The following SP140L variants were observed in gnomAD, a reference collection of about 807,000 sequenced individuals.
SP140L encodes nuclear body protein SP140-like protein.
Under a neutral mutation model 84.3 loss-of-function variants are expected in SP140L, and 64 were observed. That is an observed-to-expected ratio of 0.76 (90% CI 0.62 to 0.94). The LOEUF (loss-of-function observed/expected upper bound fraction) is 0.94, where lower values mean the gene tolerates loss of function less well. Ranked by LOEUF, SP140L falls within the 40% of genes least tolerant of loss-of-function variation. SP140L has a pLI of 0.00. For synonymous variants in SP140L, 242 were observed against 236.9 expected (o/e 1.02, Z -0.20); for missense variants, 628 against 692.5 (o/e 0.91, Z 1.05).
intron 14 of SP140L, among the ~76,000 whole-genome samples, chr2:230,397,073 T>C (rs1481893190): frequency 6.6e-6 from 1 of 152,224 alleles, no homozygotes; most frequent in Non-Finnish European, 1.5e-5. Context: ...GGCTGAGCTC[T>C]AGACCACTGA....
At chr2:230,383,408 T>C (rs919701351) in intron 7 of SP140L, 102 bp from the exon 8 acceptor site, 95 of 1,286,552 alleles carry the variant, frequency 7.4e-5, no homozygotes, top group African/African-American at 9.0e-5. Flanking sequence ...CCCATTCCTG[T>C]GGACCAAAGT....
At chr2:230,384,709 C>T (rs1045457162) in intron 8 of SP140L, among the ~76,000 whole-genome samples, 4 of 152,086 alleles carry the variant, frequency 2.6e-5, no homozygotes, top group African/African-American at 9.7e-5. Flanking sequence ...GGTTGGAGTT[C>T]GAGAACAGCC....
chr2:230,371,710 A>G (rs2061078685), intron 7 of SP140L, 59 bp downstream of exon 7: 1 of 1,416,788 alleles, frequency 7.1e-7, no homozygotes, highest in Admixed American at 1.9e-5. Context: ...TTAATGCCAG[A>G]GTTTTCTTTT....
Position 230,344,315 on chromosome 2 carries a change from T to C in SP140L, c.108-13490T>C, listed in dbSNP as rs556425056. 5.3e-5 allele frequency among the ~76,000 whole-genome samples: 8 copies of C among 152,368 alleles called. No individual in the cohort carries two copies. The South Asian group carries it at 1.7e-3, about 32-fold the overall frequency. On this transcript the variant is annotated intron_variant, in intron 2 of 18. Coordinates refer to ENST00000415673, the MANE Select transcript of SP140L (RefSeq NM_138402.6). ...AAATCTTTGTTAGTTTAAAGTCTGT[T>C]CTGTCAGAAACTAGGATCAAAACTC...
chr2:230,328,601 C>T (rs538654496), intron 1 of SP140L, among the ~76,000 whole-genome samples, 156 bp from the exon 2 acceptor site: 2 of 152,220 alleles, frequency 1.3e-5, no homozygotes, highest in South Asian at 2.1e-4. Flanking sequence ...AAATTGTTCA[C>T]GTTTATCAAT....
chr2:230,383,225 T>A (rs1559448537), intron 7 of SP140L, among the ~76,000 whole-genome samples: 1 of 152,170 alleles, frequency 6.6e-6, no homozygotes, highest in East Asian at 1.9e-4. Context: ...AAATAGCAGT[T>A]ATCATTCACT....
chr2:230,367,218 A>G (rs2060908737), intron 5 of SP140L, among the ~76,000 whole-genome samples: 1 of 152,002 alleles, frequency 6.6e-6, no homozygotes, highest in Non-Finnish European at 1.5e-5. Flanking sequence ...GATAGCCTAC[A>G]AAAACTCTGT....
At chr2:230,349,536 G>A (rs939489023) in intron 2 of SP140L, among the ~76,000 whole-genome samples, 7 of 152,110 alleles carry the variant, frequency 4.6e-5, no homozygotes, top group African/African-American at 1.7e-4. Context: ...AATTTCTCTA[G>A]TAATGTTTTG....
intron 12 of SP140L, among the ~76,000 whole-genome samples, chr2:230,392,623 G>A (rs1559458148): frequency 6.6e-6 from 1 of 152,160 alleles, no homozygotes; most frequent in African/African-American, 2.4e-5. Context: ...ACAGCTCTGT[G>A]GATTTAGGTA....
chr2:230,347,660 T>C (rs1420425866), intron 2 of SP140L, among the ~76,000 whole-genome samples: 2 of 152,198 alleles, frequency 1.3e-5, no homozygotes, highest in East Asian at 3.9e-4. Flanking sequence ...GCAGAGTGGC[T>C]GGCTCGATTA....
At chr2:230,327,385 C>A in intron 1 of SP140L, 84 bp downstream of exon 1, 2 of 1,498,094 alleles carry the variant, frequency 1.3e-6, no homozygotes, top group Non-Finnish European at 1.8e-6. Flanking sequence ...CTGTCTAAAG[C>A]TTCAGTTTAG....
intron 9 of SP140L, 69 bp downstream of exon 9, chr2:230,385,373 C>T (rs2061542082): frequency 6.9e-7 from 1 of 1,447,246 alleles, no homozygotes; most frequent in Non-Finnish European, 9.6e-7. Context: ...TTTTGAGGAG[C>T]CTAGAAGCTT....
At chr2:230,334,503 T>A (rs909336634) in intron 2 of SP140L, among the ~76,000 whole-genome samples, 3 of 152,228 alleles carry the variant, frequency 2.0e-5, no homozygotes, top group Non-Finnish European at 4.4e-5. Flanking sequence ...ATCGATTATC[T>A]AATGTGATTT....
At chr2:230,367,297 T>A (rs1012199434) in intron 5 of SP140L, among the ~76,000 whole-genome samples, 16 of 141,072 alleles carry the variant, frequency 1.1e-4, no homozygotes, top group Non-Finnish European at 2.3e-4. Context: ...TTTTTTTTCT[T>A]TTTTTTTTTT....
chr2:230,390,821 C>T (rs1252585566), intron 11 of SP140L, among the ~76,000 whole-genome samples: 1 of 152,070 alleles, frequency 6.6e-6, no homozygotes, highest in Non-Finnish European at 1.5e-5. Flanking sequence ...TTATTATCAC[C>T]TAATTTTAGA....
chr2:230,338,045 G>A (rs1253645375), intron 2 of SP140L, among the ~76,000 whole-genome samples: 1 of 146,478 alleles, frequency 6.8e-6, no homozygotes, highest in African/African-American at 2.5e-5. Context: ...GTCATTGGTA[G>A]CTTGATGGGG....
Position 230,393,403 on chromosome 2 carries a change from T to TTA in SP140L, c.1108-9_1108-8dup. On this transcript the variant is annotated splice_polypyrimidine_tract_variant and intron_variant, in intron 12 of 18. Coordinates refer to ENST00000415673, the MANE Select transcript of SP140L (RefSeq NM_138402.6). ...AGGCTGACTATGTACCTTGGTCTTT[T>TTA]TATCTTTCAGGAAGGATCTCTACCT... The TTA allele has an allele frequency of 6.3e-7, 1 of 1,581,588 alleles. No homozygotes were observed. Among genetic ancestry groups the TTA allele is most frequent in the Non-Finnish European group, 8.6e-7 (1 of 1,165,750 alleles).
rs1230538651 is a variant in SP140L, at chr2:230,403,622, G to C, written c.*726G>C. 6.6e-6 allele frequency: 1 copy of C among 152,194 alleles called. No homozygotes were observed. The highest frequency in any genetic ancestry group is 1.5e-5 in the Non-Finnish European group (1 of 68,054). 9.4% of individuals were successfully genotyped at this position (152,194 alleles called of 1,614,324 possible). ...GAACTCCCAAACTGCCGTTCTTTTC[G>C]ATAGCTCACGATGGTGTATGAGTGT... On this transcript the variant is annotated 3_prime_UTR_variant, in exon 19 of 19. Coordinates refer to ENST00000415673, the MANE Select transcript of SP140L (RefSeq NM_138402.6).
chr2:230,374,757 G>C (rs2149775621), intron 7 of SP140L, among the ~76,000 whole-genome samples: 1 of 152,268 alleles, frequency 6.6e-6, no homozygotes, highest in South Asian at 2.1e-4. Context: ...AAATGATTGT[G>C]AGCATTTTTT....
Sources: gnomAD v4.1 joint callset for allele counts (sites outside exome capture counted in the v4.1 genomes callset) on GRCh38, gnomAD v4.1.1 for gene constraint, MANE v1.5 for transcripts, NCBI Gene and HGNC (gene_info 2026-07-23, HGNC 2026-07-21) for gene names.